Variants in COL4A1 observed in about 807,000 individuals in gnomAD.
The protein encoded by COL4A1 is collagen type IV alpha 1 chain.
Under a neutral mutation model 216.6 loss-of-function variants are expected in COL4A1, and 40 were observed. The ratio of observed to expected loss-of-function variants is 0.18; its 90% confidence interval spans 0.14 to 0.24. COL4A1 has a LOEUF of 0.24. Among genes scored for constraint, COL4A1 ranks in the 10% least tolerant of loss-of-function variants. COL4A1 has a pLI of 1.00. For missense variants in COL4A1, 1,628 were observed against 2,196.8 expected (o/e 0.74, Z 5.18); for synonymous variants, 839 against 810.7 (o/e 1.03, Z -0.59).
rs754333091 is a variant in COL4A1, at chr13:110,209,989, G to C, written c.606C>G (p.Thr202=). The C allele has an allele frequency of 6.2e-7, 1 of 1,614,110 alleles. No individual in the cohort carries two copies. The highest frequency in any genetic ancestry group is 2.2e-5 in the East Asian group (1 of 44,878). ...AGCCCCCAAAACTTACTGGTGGTCC[G>C]GTAAATCCTGGAGGCCCAACAGGAC... ...LQGPVGPPGF[T]GPPGPPGPPG... is the part of the protein sequence containing the mutation. The change falls in exon 10 of 52, where the codon ACC becomes ACG. Residue 202 remains threonine (T), a synonymous_variant. Coordinates refer to ENST00000375820, the MANE Select transcript of COL4A1 (RefSeq NM_001845.6).
chr13:110,174,367 T>TG, intron 39 of COL4A1, 79 bp downstream of exon 39: 4 of 1,510,558 alleles, frequency 2.6e-6, no homozygotes, highest in Non-Finnish European at 3.7e-6. Flanking sequence ...CCGTCTGTGA[T>TG]GGGAACTCCT....
In COL4A1 at chr13:110,208,809, G is replaced by A. The variant is rs79476579; in HGVS notation, c.693+40C>T. ...TGGGAACTGTCAGGTGAGGACTGTG[G>A]TTTTCAACATGAAAGCACTCCAGAG... is the stretch of plus-strand genomic sequence containing the variant. On this transcript the variant is annotated intron_variant, in intron 12 of 51. Transcript: ENST00000375820. 3.8e-3 allele frequency: 6,031 copies of A among 1,607,810 alleles called. 187 individuals carry two copies. In the African/African-American group the frequency reaches 0.071, roughly 19 times the overall value.
intron 24 of COL4A1, 53 bp from the exon 25 acceptor site, chr13:110,187,382 C>T: frequency 6.3e-7 from 1 of 1,596,722 alleles, no homozygotes; most frequent in African/African-American, 1.3e-5. Flanking sequence ...TGAAGCACAC[C>T]AGTGTGACTG....
rs374725208 is a variant in COL4A1 at position 110,154,457 on chromosome 13, CG to C, written c.4755+825del. ...CTTCGTGGAGGCCACGGCCAGCCCT[CG>C]GGTGTTCTCTCCCTAACTCAAGCTT... is the stretch of plus-strand genomic sequence containing the variant. On this transcript the variant is annotated intron_variant, in intron 50 of 51. Transcript: ENST00000375820. Among the ~76,000 whole-genome samples the C allele has an allele frequency of 4.1e-4, 62 of 152,362 alleles. 1 individual carries two copies. The South Asian group carries it at 0.013, about 31-fold the overall frequency.
Position 110,181,024 on chromosome 13 carries a change from G to C in COL4A1, c.2193+268C>G, listed in dbSNP as rs73611408. The stretch of plus-strand genomic sequence containing the variant: ...CAGTAAGAAACATATTTTACCCTGA[G>C]TTTCAGCTTACACAGGCAAGAAAAT... On this transcript the variant is annotated intron_variant, in intron 29 of 51. Coordinates refer to ENST00000375820, the MANE Select transcript of COL4A1 (RefSeq NM_001845.6). 0.037 allele frequency among the ~76,000 whole-genome samples: 5,668 copies of C among 152,292 alleles called. 344 individuals carry two copies. Among genetic ancestry groups the C allele is most frequent in the African/African-American group, 0.13 (5,442 of 41,548 alleles).
intron 18 of COL4A1, among the ~76,000 whole-genome samples, chr13:110,201,900 C>T (rs993617076): frequency 6.6e-6 from 1 of 152,102 alleles, no homozygotes; most frequent in Non-Finnish European, 1.5e-5. Context: ...GAGAATCGCT[C>T]GAACCCAGGA....
In COL4A1 at chr13:110,267,940, T is replaced by C. The variant is rs1356212591; in HGVS notation, c.85-25206A>G. Among the ~76,000 whole-genome samples the C allele has an allele frequency of 2.6e-5, 4 of 152,142 alleles. 1 individual carries two copies. In the South Asian group the frequency reaches 8.3e-4, roughly 32 times the overall value. ...GATTTTAAACCCCATGAAGATCCTA[T>C]ACAGAGCTGCACATCTGTTATTCAC... On this transcript the variant is annotated intron_variant, in intron 1 of 51. Transcript: ENST00000375820.
At chr13:110,157,853 C>A (rs953235082) in intron 49 of COL4A1, among the ~76,000 whole-genome samples, 8 of 152,162 alleles carry the variant, frequency 5.3e-5, no homozygotes, top group Non-Finnish European at 1.2e-4. Flanking sequence ...GAATGCATCA[C>A]ACAGAAATGC....
At chr13:110,200,287 C>A (rs973718919) in intron 20 of COL4A1, among the ~76,000 whole-genome samples, 2 of 152,212 alleles carry the variant, frequency 1.3e-5, no homozygotes, top group African/African-American at 4.8e-5. Flanking sequence ...CGAGCCTCTG[C>A]AAAGCGCAGT....
chr13:110,177,556 A>G (rs1221615555), intron 33 of COL4A1, among the ~76,000 whole-genome samples: 2 of 152,186 alleles, frequency 1.3e-5, no homozygotes, highest in African/African-American at 4.8e-5. Flanking sequence ...GTATCTTGGC[A>G]TGGCTGAAGA....
At chr13:110,166,354 A>AC in intron 44 of COL4A1, 51 bp from the exon 45 acceptor site, 2 of 1,136,120 alleles carry the variant, frequency 1.8e-6, no homozygotes, top group Non-Finnish European at 2.7e-6. Context: ...AATGATATAC[A>AC]AATATGTGTG....
intron 1 of COL4A1, among the ~76,000 whole-genome samples, chr13:110,245,815 C>A (rs1214238964): frequency 6.6e-6 from 1 of 152,118 alleles, no homozygotes; most frequent in African/African-American, 2.4e-5. Flanking sequence ...CAGCCGGTGC[C>A]GGTGACAGGC....
At chr13:110,215,831 CCTT>C (rs1213777617) in intron 2 of COL4A1, among the ~76,000 whole-genome samples, 1 of 152,202 alleles carries the variant, frequency 6.6e-6, no homozygotes, top group African/African-American at 2.4e-5. Flanking sequence ...CCAAAGTCGT[CCTT>C]CTTTCCAAAC....
chr13:110,253,900 C>T (rs1882393866), intron 1 of COL4A1, among the ~76,000 whole-genome samples: 1 of 151,568 alleles, frequency 6.6e-6, no homozygotes, highest in Non-Finnish European at 1.5e-5. Flanking sequence ...GTGCTGTCTT[C>T]ATGCCCATCA....
At chr13:110,257,442 G>C (rs939849674) in intron 1 of COL4A1, among the ~76,000 whole-genome samples, 1 of 152,194 alleles carries the variant, frequency 6.6e-6, no homozygotes, top group South Asian at 2.1e-4. Context: ...TCTGCAAACC[G>C]TAAGTGCTAC....
chr13:110,169,552 C>G, intron 43 of COL4A1, 77 bp downstream of exon 43: 2 of 1,598,052 alleles, frequency 1.3e-6, no homozygotes, highest in African/African-American at 1.3e-5. Context: ...AAAATACATA[C>G]ACACATAGAC....
intron 2 of COL4A1, 61 bp downstream of exon 2, chr13:110,242,614 A>T: frequency 2.0e-6 from 3 of 1,534,194 alleles, no homozygotes; most frequent in Non-Finnish European, 2.7e-6. Flanking sequence ...GGTTACTGTT[A>T]ATGTAGTACT....
At chr13:110,251,494 G>A (rs1882069615) in intron 1 of COL4A1, among the ~76,000 whole-genome samples, 1 of 152,234 alleles carries the variant, frequency 6.6e-6, no homozygotes, top group Non-Finnish European at 1.5e-5. Context: ...CATGGGCCAG[G>A]CACCCCCCAG....
intron 2 of COL4A1, among the ~76,000 whole-genome samples, chr13:110,227,387 G>GACACACACACACACAC (rs373355054): frequency 2.2e-5 from 3 of 138,672 alleles, no homozygotes; most frequent in African/African-American, 5.4e-5. Flanking sequence ...GGGTACGGTA[G>GACACACACACACACAC]ACACACACAC....
Sources: gnomAD v4.1 joint callset for allele counts (sites outside exome capture counted in the v4.1 genomes callset) on GRCh38, gnomAD v4.1.1 for gene constraint, MANE v1.5 for transcripts, NCBI Gene and HGNC (gene_info 2026-07-23, HGNC 2026-07-21) for gene names.